QKI: variants seen among roughly 807,000 people sequenced by gnomAD.
The protein encoded by QKI is KH domain-containing RNA-binding protein QKI.
A neutral mutation model predicts 39.0 loss-of-function variants in QKI; 10 were observed. That is an observed-to-expected ratio of 0.26 (90% confidence interval 0.16 to 0.43). The LOEUF is 0.43. Ranked by LOEUF, QKI falls within the 20% of genes least tolerant of loss-of-function variation. The pLI is 1.00. For synonymous variants in QKI, 204 were observed against 155.4 expected (o/e 1.31, Z -2.33); for missense variants, 218 against 428.0 (o/e 0.51, Z 4.33).
Position 163,570,217 on chromosome 6 carries a change from G to T in QKI, c.1010-477G>T, listed in dbSNP as rs1783619209. ...TTTGAATTTCTTTAGATTCATTTCT[G>T]TTAATCATCAGTTATTAATAATCAC... On this transcript the variant is annotated intron_variant, in intron 7 of 7. Coordinates refer to ENST00000361752, the MANE Select transcript of QKI (RefSeq NM_006775.3). The T allele has an allele frequency of 4.1e-6, 4 of 982,898 alleles. No homozygotes were observed. The African/African-American group carries it at 7.0e-5, about 17-fold the overall frequency. 60.9% of individuals were successfully genotyped at this position (982,898 alleles called of 1,614,324 possible).
chr6:163,430,607 T>C (rs1001305651), intron 1 of QKI, among the ~76,000 whole-genome samples: 3 of 152,188 alleles, frequency 2.0e-5, no homozygotes, highest in Non-Finnish European at 4.4e-5. Context: ...CTTGAGCTGA[T>C]GGGCCTAAGC....
At position 163,563,673 on chromosome 6, in the gene QKI, A is replaced by G. The variant is rs1783172273; in HGVS notation, c.888A>G (p.Pro296=). 1 of 1,614,052 alleles carries G rather than the reference A, an allele frequency of 6.2e-7. No individual in the cohort carries two copies. Among genetic ancestry groups the G allele is most frequent in the Non-Finnish European group, 8.5e-7 (1 of 1,180,018 alleles). ...TPYEYPYTLA[P]ATSILEYPIE... is the part of the protein sequence containing the mutation. Reference sequence around the variant, plus strand: ...ATGAGTACCCCTACACATTGGCACCAGCTACATCAATCCTTGAGTATCCTA... The same window carrying G: ...ATGAGTACCCCTACACATTGGCACCGGCTACATCAATCCTTGAGTATCCTA... The change falls in exon 6 of 8, where the codon CCA becomes CCG. Residue 296 remains proline, a synonymous_variant. Coordinates refer to ENST00000361752, the MANE Select transcript of QKI (RefSeq NM_006775.3).
chr6:163,460,873 A>C (rs183719071), intron 2 of QKI, among the ~76,000 whole-genome samples: 193 of 151,866 alleles, frequency 1.3e-3, no homozygotes, highest in Non-Finnish European at 4.0e-4. Flanking sequence ...ATATGATCAT[A>C]TTTTGTGAGT....
intron 3 of QKI, among the ~76,000 whole-genome samples, chr6:163,489,011 C>T (rs1777874229): frequency 7.5e-6 from 1 of 133,872 alleles, no homozygotes; most frequent in Non-Finnish European, 1.6e-5. Context: ...AGTTATGTAA[C>T]AGTTTTGTGT....
At chr6:163,417,639 C>G (rs994287595) in intron 1 of QKI, among the ~76,000 whole-genome samples, 2 of 152,126 alleles carry the variant, frequency 1.3e-5, no homozygotes, top group South Asian at 2.1e-4. Context: ...GGAAATAGTA[C>G]TCGTTTGCGT....
intron 3 of QKI, among the ~76,000 whole-genome samples, chr6:163,493,153 T>TG (rs1778171153): frequency 6.9e-6 from 1 of 144,136 alleles, no homozygotes; most frequent in Non-Finnish European, 1.5e-5. Flanking sequence ...TTTTTTGAGA[T>TG]GGAGTTTTGC....
At chr6:163,508,597 T>G (rs1426806170) in intron 3 of QKI, among the ~76,000 whole-genome samples, 1 of 150,764 alleles carries the variant, frequency 6.6e-6, no homozygotes, top group Admixed American at 6.6e-5. Context: ...TGGTGCAATC[T>G]TGGCTTACTG....
chr6:163,518,911 A>G (rs550797551), intron 3 of QKI, among the ~76,000 whole-genome samples: 4 of 152,228 alleles, frequency 2.6e-5, no homozygotes, highest in Non-Finnish European at 5.9e-5. Flanking sequence ...TAGGAGGCAC[A>G]TAACAATTCT....
At chr6:163,440,721 A>C (rs1789702808) in intron 1 of QKI, among the ~76,000 whole-genome samples, 1 of 152,146 alleles carries the variant, frequency 6.6e-6, no homozygotes, top group East Asian at 1.9e-4. Context: ...TTGTTCATTT[A>C]GTTTGTTATA....
chr6:163,458,108 G>T (rs1266337279), intron 2 of QKI, among the ~76,000 whole-genome samples: 1 of 152,036 alleles, frequency 6.6e-6, no homozygotes, highest in Non-Finnish European at 1.5e-5. Context: ...TAGCACAGGG[G>T]CAGTGTCATG....
chr6:163,512,467 C>T (rs1216055464), intron 3 of QKI, among the ~76,000 whole-genome samples: 4 of 152,032 alleles, frequency 2.6e-5, no homozygotes, highest in Admixed American at 2.6e-4. Context: ...GATCCTAAGT[C>T]TCTGTGTATC....
At chr6:163,524,861 C>T (rs1303192457) in intron 3 of QKI, among the ~76,000 whole-genome samples, 1 of 152,102 alleles carries the variant, frequency 6.6e-6, no homozygotes, top group Non-Finnish European at 1.5e-5. Flanking sequence ...TCTTAAATGA[C>T]GGGTACTCGT....
chr6:163,434,457 A>G (rs1044581488), intron 1 of QKI, among the ~76,000 whole-genome samples: 3 of 152,206 alleles, frequency 2.0e-5, no homozygotes, highest in African/African-American at 7.2e-5. Context: ...AAAAATAAAT[A>G]TTAATCTTGG....
intron 4 of QKI, among the ~76,000 whole-genome samples, chr6:163,560,950 C>T (rs1185404899): frequency 6.6e-6 from 1 of 152,196 alleles, no homozygotes; most frequent in Admixed American, 6.5e-5. Flanking sequence ...TGATTAGAGA[C>T]TATCCTGATT....
intron 2 of QKI, among the ~76,000 whole-genome samples, chr6:163,473,244 A>C (rs1338542193): frequency 6.6e-6 from 1 of 152,164 alleles, no homozygotes; most frequent in Non-Finnish European, 1.5e-5. Flanking sequence ...AACAAGTTTT[A>C]GTCCAAGCTT....
intron 3 of QKI, among the ~76,000 whole-genome samples, chr6:163,501,438 A>G (rs1378036810): frequency 7.9e-5 from 12 of 152,200 alleles, no homozygotes; most frequent in Non-Finnish European, 1.2e-4. Flanking sequence ...GCATTTGCAT[A>G]TCTAATTGCT....
intron 4 of QKI, among the ~76,000 whole-genome samples, chr6:163,542,177 A>C (rs372926337): frequency 6.6e-6 from 1 of 152,040 alleles, no homozygotes; most frequent in African/African-American, 2.4e-5. Context: ...AATAATATAT[A>C]TAAAACTGTC....
chr6:163,561,861 C>T (rs1374112535), intron 4 of QKI, 121 bp from the exon 5 acceptor site: 2 of 631,134 alleles, frequency 3.2e-6, no homozygotes, highest in African/African-American at 1.9e-5. Context: ...TCTTTTTTTC[C>T]CCTTATTAAA....
At chr6:163,552,307 C>A (rs914811740) in intron 4 of QKI, among the ~76,000 whole-genome samples, 1 of 143,104 alleles carries the variant, frequency 7.0e-6, no homozygotes, top group South Asian at 2.2e-4. Context: ...CTCCCGGGTT[C>A]ATGCCATTCT....
Sources: gnomAD v4.1 joint callset for allele counts (sites outside exome capture counted in the v4.1 genomes callset) on GRCh38, gnomAD v4.1.1 for gene constraint, MANE v1.5 for transcripts, NCBI Gene and HGNC (gene_info 2026-07-23, HGNC 2026-07-21) for gene names.